The following HTR3C variants were observed in gnomAD, a reference collection of about 807,000 sequenced individuals.
HTR3C encodes 5-HT3-C.
A neutral mutation model predicts 40.5 loss-of-function variants in HTR3C; 32 were observed. The ratio of observed to expected loss-of-function variants is 0.79; its 90% CI spans 0.60 to 1.06. The LOEUF is 1.06. Among genes scored for constraint, HTR3C ranks in the 50% least tolerant of loss-of-function variants. The pLI, the probability that HTR3C is intolerant of heterozygous loss-of-function variation, is 0.00. For synonymous variants in HTR3C, 209 were observed against 217.1 expected, an observed-to-expected ratio of 0.96 and a Z score of 0.33; for missense variants, 523 against 556.8, an observed-to-expected ratio of 0.94 and a Z score of 0.61.
intron 6 of HTR3C, 66 bp downstream of exon 6, chr3:184,058,653 G>T: frequency 6.5e-7 from 1 of 1,545,016 alleles, no homozygotes; most frequent in South Asian, 1.2e-5. Context: ...CTTGACCTAT[G>T]GCTCTTTGGG....
chr3:184,053,955 A>G (rs1056507054), intron 1 of HTR3C, among the ~76,000 whole-genome samples: 1 of 152,086 alleles, frequency 6.6e-6, no homozygotes, highest in Non-Finnish European at 1.5e-5. Context: ...GGGTTTCACC[A>G]TGTCGGCCAG....
chr3:184,054,734 T>C lies in HTR3C; in HGVS notation c.81T>C (p.Ala27=). 1 of 1,600,236 alleles carries C rather than the reference T, an allele frequency of 6.2e-7. No homozygotes were observed. The highest frequency in any genetic ancestry group is 8.5e-7 in the Non-Finnish European group (1 of 1,174,432). ...VSLLLQGRGD[A]FTINCSGFDQ... is the part of the protein sequence containing the mutation. ...TGCTCTCTATAGGAAGAGGCGACGC[T>C]TTTACCATCAATTGCTCAGGCTTTG... The change falls in exon 2 of 9, where the codon GCT becomes GCC. Residue 27 remains alanine, a synonymous_variant. Transcript: ENST00000318351.
At chr3:184,056,747 A>T in intron 4 of HTR3C, 128 bp from the exon 5 acceptor site, 1 of 883,950 alleles carries the variant, frequency 1.1e-6, no homozygotes, top group South Asian at 2.7e-5. Flanking sequence ...AAACTGTCTC[A>T]AAAACAACAA....
chr3:184,059,585 C>T lies in HTR3C; in HGVS notation c.870C>T (p.Asn290=), dbSNP rs77835768. The T allele has an allele frequency of 9.8e-5, 158 of 1,613,756 alleles. No homozygotes were observed. In the Middle Eastern group the frequency reaches 1.5e-3, roughly 15 times the overall value. Residue 290 remains asparagine (N), a synonymous_variant, in exon 7 of 9, where the codon AAC becomes AAT. Coordinates refer to ENST00000318351, the MANE Select transcript of HTR3C (RefSeq NM_130770.3). ...AGATAACACTTCTGCTGGGCTACAA[C>T]GTCTTCCTGCTCATGATGAATGACT... is the stretch of plus-strand genomic sequence containing the variant. ...PFKITLLLGY[N]VFLLMMNDLL...
chr3:184,053,511 G>A (rs1723264303), intron 1 of HTR3C, among the ~76,000 whole-genome samples: 1 of 152,154 alleles, frequency 6.6e-6, no homozygotes, highest in African/African-American at 2.4e-5. Flanking sequence ...ATGCCCTGAG[G>A]GAGGGGACAA....
chr3:184,060,640 T>C lies in HTR3C; in HGVS notation c.*288T>C. 1 of 478,890 alleles carries C rather than the reference T, an allele frequency of 2.1e-6. No individual in the cohort carries two copies. Among genetic ancestry groups the C allele is most frequent in the South Asian group, 2.4e-5 (1 of 41,448 alleles). The allele number at this position is 478,890 out of a possible 1,614,324, so 29.7% of individuals were successfully genotyped here. A position where few individuals can be genotyped will look rare whatever the true frequency, so the allele number is the denominator to read the frequency against. ...AGTCCAGGTCAGTGGAGTCTCTCCT[T>C]GATTGATCACCCCAATAAACAACTT... On this transcript the variant is annotated 3_prime_UTR_variant, in exon 9 of 9. Transcript: ENST00000318351.
rs777146709 is a variant in HTR3C, at chr3:184,059,632, C to T, written c.917C>T (p.Pro306Leu). The part of the protein sequence containing the change: ...MNDLLPASGT[P>L]LISVYFALCL... The stretch of plus-strand genomic sequence containing the variant: ...GACTTGCTCCCTGCCAGTGGCACCC[C>T]CCTCATCAGTATGGCTCCTCCCACT... The change falls in exon 7 of 9, where the codon CCC (proline) becomes CTC (leucine). Residue 306 changes from proline (P) to leucine (L), a missense_variant. Physicochemically the swap from Pro to Leu is moderately conservative, Grantham distance 98. Transcript: ENST00000318351. 24 of 1,614,056 alleles carry T rather than the reference C, an allele frequency of 1.5e-5. No individual in the cohort carries two copies. The highest frequency in any genetic ancestry group is 1.6e-4 in the Middle Eastern group (1 of 6,084).
intron 1 of HTR3C, among the ~76,000 whole-genome samples, chr3:184,053,986 C>A (rs1023611952): frequency 2.0e-5 from 3 of 152,000 alleles, no homozygotes; most frequent in African/African-American, 7.3e-5. Flanking sequence ...ATCTCTCGAC[C>A]TTGTGATCCG....
chr3:184,057,047 A>G lies in HTR3C; in HGVS notation c.559+3A>G, dbSNP rs1004775643. 6.3e-7 allele frequency: 1 copy of G among 1,598,112 alleles called. No individual in the cohort carries two copies. Among genetic ancestry groups the G allele is most frequent in the African/African-American group, 1.4e-5 (1 of 73,982 alleles). On this transcript the variant is annotated splice_donor_region_variant and intron_variant, in intron 5 of 8. Transcript: ENST00000318351. ...CTTCAGTTCTTTCCTCTACACAGGT[A>G]AGTGTGACACATTTTGGTAGCTGTT... is the stretch of plus-strand genomic sequence containing the variant.
Position 184,060,485 on chromosome 3 carries a change from C to T in HTR3C, c.*133C>T. 6 of 1,143,958 alleles carry T rather than the reference C, an allele frequency of 5.2e-6. No individual in the cohort carries two copies. The South Asian group carries it at 8.4e-5, about 16-fold the overall frequency. The allele number at this position is 1,143,958 out of a possible 1,614,324, so 70.9% of individuals were successfully genotyped here. A position where few individuals can be genotyped will look rare whatever the true frequency, so the allele number is the denominator to read the frequency against. On this transcript the variant is annotated 3_prime_UTR_variant, in exon 9 of 9. Coordinates refer to ENST00000318351, the MANE Select transcript of HTR3C (RefSeq NM_130770.3). ...GTCCCCTTCTAAATTCCAAAGACTC[C>T]AACGCAGCACTAGCAAGCAGGTTCG...
chr3:184,059,792 T>G, intron 7 of HTR3C, 36 bp from the exon 8 acceptor site: 1 of 1,609,710 alleles, frequency 6.2e-7, no homozygotes, highest in Non-Finnish European at 8.5e-7. Context: ...TAGAGATAAA[T>G]TTGCCTGGTT....
chr3:184,055,430 G>A, intron 3 of HTR3C, 74 bp downstream of exon 3: 1 of 1,134,938 alleles, frequency 8.8e-7, no homozygotes, highest in Non-Finnish European at 1.3e-6. Flanking sequence ...GTGACTTAAA[G>A]GGGCCAGAAG....
intron 2 of HTR3C, 54 bp downstream of exon 2, chr3:184,054,941 C>G: frequency 6.5e-7 from 1 of 1,529,676 alleles, no homozygotes. Flanking sequence ...AACGAGGACC[C>G]TCTGCCCTGT....
At chr3:184,059,319 A>G (rs528175620) in intron 6 of HTR3C, 117 bp from the exon 7 acceptor site, 11 of 825,458 alleles carry the variant, frequency 1.3e-5, no homozygotes, top group African/African-American at 1.2e-4. Flanking sequence ...CAAAAGTGTT[A>G]CTTAAAAAGA....
rs755887220 is a variant in HTR3C at position 184,056,213 on chromosome 3, G to A, written c.316G>A (p.Glu106Lys). Residue 106 changes from glutamate (E) to lysine (K), a missense_variant, in exon 4 of 9, where the codon GAG (glutamate) becomes AAG (lysine). Coordinates refer to ENST00000318351, the MANE Select transcript of HTR3C (RefSeq NM_130770.3). ...DNPFINWNPK[E>K]CVGINKLTVL... Reference sequence around the variant, plus strand: ...TCCTTTCATTAATTGGAACCCAAAAGAGTGTGTTGGCATCAATAAACTCAC... The same window carrying A: ...TCCTTTCATTAATTGGAACCCAAAAAAGTGTGTTGGCATCAATAAACTCAC... 1.9e-6 allele frequency: 3 copies of A among 1,613,952 alleles called. No homozygotes were observed. Among genetic ancestry groups the A allele is most frequent in the African/African-American group, 1.3e-5 (1 of 75,052 alleles).
At chr3:184,055,407 T>C in intron 3 of HTR3C, 51 bp downstream of exon 3, 1 of 1,387,782 alleles carries the variant, frequency 7.2e-7, no homozygotes, top group East Asian at 2.3e-5. Context: ...ATTTTAAGCC[T>C]GAGGAGTTAG....
Position 184,060,503 on chromosome 3 carries a change from C to G in HTR3C, c.*151C>G. 9.9e-7 allele frequency: 1 copy of G among 1,005,068 alleles called. No homozygotes were observed. Among genetic ancestry groups the G allele is most frequent in the Non-Finnish European group, 1.5e-6 (1 of 666,608 alleles). 62.3% of individuals were successfully genotyped at this position (1,005,068 alleles called of 1,614,324 possible). On this transcript the variant is annotated 3_prime_UTR_variant, in exon 9 of 9. Transcript: ENST00000318351. ...AAGACTCCAACGCAGCACTAGCAAG[C>G]AGGTTCGGGACAGCCCTGGACGATT...
Position 184,060,192 on chromosome 3 carries a change from C to T in HTR3C, c.1184C>T (p.Pro395Leu), listed in dbSNP as rs754418838. Residue 395 changes from proline to leucine, a missense_variant, in exon 9 of 9, where the codon CCC becomes CTC. Coordinates refer to ENST00000318351, the MANE Select transcript of HTR3C (RefSeq NM_130770.3). ...GAGTTAGCAGGGAAGAAGCTGGGAC[C>T]CAGAGAGACCGAGCCAGATGGGGGC... ...PGELAGKKLGPRETEPDGGSG... is the reference protein window; with the variant it reads ...PGELAGKKLGLRETEPDGGSG... 4.3e-6 allele frequency: 7 copies of T among 1,614,170 alleles called. No homozygotes were observed. Among genetic ancestry groups the T allele is most frequent in the Admixed American group, 1.7e-5 (1 of 60,006 alleles).
At chr3:184,053,201 G>C (rs1723258752) in intron 1 of HTR3C, 54 bp downstream of exon 1, 2 of 1,306,194 alleles carry the variant, frequency 1.5e-6, no homozygotes, top group African/African-American at 1.4e-5. Context: ...GGGACACCTG[G>C]ACTCACCTCT....
Sources: allele counts gnomAD v4.1 joint callset (sites outside exome capture counted in the v4.1 genomes callset), GRCh38; gene constraint gnomAD v4.1.1; transcripts MANE v1.5; gene names NCBI Gene and HGNC (gene_info 2026-07-23, HGNC 2026-07-21).